DNAH11: variants seen among roughly 807,000 people sequenced by gnomAD.
DNAH11 encodes the protein dynein axonemal heavy chain 11.
A neutral mutation model predicts 526.0 loss-of-function variants in DNAH11; 442 were observed. The ratio of observed to expected loss-of-function variants is 0.84; its 90% CI spans 0.78 to 0.91. DNAH11 has a LOEUF of 0.91. DNAH11 is among the 40% of genes least tolerant of loss of function. The pLI is 0.00. For missense variants in DNAH11, 6,989 were observed against 5,448.7 expected, an observed-to-expected ratio of 1.28 and a Z score of -8.90; for synonymous variants, 2,461 against 1,935.9, an observed-to-expected ratio of 1.27 and a Z score of -7.12.
At chr7:21,827,052 A>C (rs970588709) in intron 65 of DNAH11, among the ~76,000 whole-genome samples, 8 of 152,182 alleles carry the variant, frequency 5.3e-5, no homozygotes, top group Non-Finnish European at 1.2e-4. Flanking sequence ...CTCCCTGTGG[A>C]CCAATACATC....
At chr7:21,670,971 ATTTTCT>A (rs1782620105) in intron 30 of DNAH11, among the ~76,000 whole-genome samples, 1 of 151,104 alleles carries the variant, frequency 6.6e-6, no homozygotes, top group Non-Finnish European at 1.5e-5. Flanking sequence ...TTTGTCTGTA[ATTTTCT>A]TTTTCTATGA....
rs547694004 is a variant in DNAH11 at position 21,572,032 on chromosome 7, G to A, written c.1593+59G>A. On this transcript the variant is annotated intron_variant, in intron 8 of 81. Transcript: ENST00000409508. ...GATCCTATAATTTTATAGCTGAAAA[G>A]GAAGATAGGTCACAGTGATAATAGG... 4.9e-5 allele frequency: 67 copies of A among 1,368,290 alleles called. No homozygotes were observed. In the African/African-American group the frequency reaches 9.4e-4, roughly 19 times the overall value. 84.8% of individuals were successfully genotyped at this position (1,368,290 alleles called of 1,614,324 possible).
chr7:21,820,233 G>C (rs959730615), intron 65 of DNAH11, among the ~76,000 whole-genome samples: 1 of 152,166 alleles, frequency 6.6e-6, no homozygotes, highest in African/African-American at 2.4e-5. Flanking sequence ...GGGGGCTGCA[G>C]ATTTAGTGTG....
In DNAH11 at chr7:21,598,737, C is replaced by A. The variant is rs1784959454; in HGVS notation, c.2668-1050C>A. 3.3e-5 allele frequency among the ~76,000 whole-genome samples: 5 copies of A among 152,194 alleles called. No individual in the cohort carries two copies. In the South Asian group the frequency reaches 1.0e-3, roughly 31 times the overall value. On this transcript the variant is annotated intron_variant, in intron 14 of 81. Coordinates refer to ENST00000409508, the MANE Select transcript of DNAH11 (RefSeq NM_001277115.2). ...ATTTTTCCTGATCCTCTCCCTCCTT[C>A]CAATCCTTACCCTCCTTTAGATCCC...
chr7:21,836,509 C>T (rs1346823505), intron 65 of DNAH11, among the ~76,000 whole-genome samples: 1 of 152,072 alleles, frequency 6.6e-6, no homozygotes, highest in East Asian at 1.9e-4. Flanking sequence ...ACAATCTCTT[C>T]AATAAATGGT....
intron 28 of DNAH11, among the ~76,000 whole-genome samples, chr7:21,645,084 T>C (rs1482409819): frequency 6.6e-6 from 1 of 152,224 alleles, no homozygotes; most frequent in African/African-American, 2.4e-5. Context: ...AACATTAAGG[T>C]TATTATAATG....
In DNAH11 at chr7:21,768,146, T is replaced by C. The variant is rs1201293103; in HGVS notation, c.9102+2557T>C. Among the ~76,000 whole-genome samples, 3 of 152,336 alleles carry C rather than the reference T, an allele frequency of 2.0e-5. No homozygotes were observed. In the East Asian group the frequency reaches 5.8e-4, roughly 29 times the overall value. On this transcript the variant is annotated intron_variant, in intron 55 of 81. Coordinates refer to ENST00000409508, the MANE Select transcript of DNAH11 (RefSeq NM_001277115.2). ...CACTTAAGTATTTATCTGAAGACTT[T>C]GTGTCAACGCACACTACCTCTCCAA...
intron 65 of DNAH11, 136 bp downstream of exon 65, chr7:21,818,475 C>T (rs1451029234): frequency 3.3e-5 from 29 of 877,640 alleles, no homozygotes; most frequent in Non-Finnish European, 4.6e-5. Flanking sequence ...ACCTACACTC[C>T]AAGACCAAAG....
chr7:21,582,060 T>G lies in DNAH11; in HGVS notation c.1710+39T>G. The G allele has an allele frequency of 4.5e-6, 6 of 1,325,654 alleles. No homozygotes were observed. The South Asian group carries it at 4.8e-5, about 10-fold the overall frequency. The allele number at this position is 1,325,654 out of a possible 1,614,324, so 82.1% of individuals were successfully genotyped here. On this transcript the variant is annotated intron_variant, in intron 9 of 81. Coordinates refer to ENST00000409508, the MANE Select transcript of DNAH11 (RefSeq NM_001277115.2). ...AAGCTATCATAAAAAACGTTTACTA[T>G]GAATAATATAGGCTGTTAAATGAAA...
At chr7:21,784,081 A>C (rs1788071299) in intron 57 of DNAH11, among the ~76,000 whole-genome samples, 1 of 152,212 alleles carries the variant, frequency 6.6e-6, no homozygotes, top group South Asian at 2.1e-4. Flanking sequence ...ATGTTTGTTA[A>C]TCCAGGACTC....
chr7:21,568,443 C>G (rs1471411536), intron 6 of DNAH11, among the ~76,000 whole-genome samples: 1 of 152,286 alleles, frequency 6.6e-6, no homozygotes, highest in East Asian at 1.9e-4. Flanking sequence ...TCTGAGACAA[C>G]TTAGCTAGTA....
chr7:21,673,864 A>G (rs1011682587), intron 30 of DNAH11, among the ~76,000 whole-genome samples: 4 of 151,962 alleles, frequency 2.6e-5, no homozygotes, highest in Non-Finnish European at 5.9e-5. Flanking sequence ...TAACTTAGAA[A>G]ATACTTCCTA....
At chr7:21,768,862 T>C (rs1447340436) in intron 55 of DNAH11, among the ~76,000 whole-genome samples, 1 of 152,228 alleles carries the variant, frequency 6.6e-6, no homozygotes, top group Non-Finnish European at 1.5e-5. Context: ...TTGTCAGTGA[T>C]AGCTATCTTA....
intron 3 of DNAH11, 60 bp downstream of exon 3, chr7:21,559,058 C>G: frequency 7.0e-7 from 1 of 1,435,430 alleles, no homozygotes. Context: ...AGCACGGTGG[C>G]TCATGCCTAT....
intron 25 of DNAH11, among the ~76,000 whole-genome samples, chr7:21,626,559 C>T (rs1227768025): frequency 6.6e-6 from 1 of 152,104 alleles, no homozygotes; most frequent in African/African-American, 2.4e-5. Flanking sequence ...ATTTACATTT[C>T]TACCAACAGT....
At position 21,789,793 on chromosome 7, in the gene DNAH11, CTTTCTTTCTTTCTTT is replaced by C. The variant is rs1451191856; in HGVS notation, c.10026+467_10026+481del. On this transcript the variant is annotated intron_variant, in intron 61 of 81. Coordinates refer to ENST00000409508, the MANE Select transcript of DNAH11 (RefSeq NM_001277115.2). The stretch of plus-strand genomic sequence containing the variant: ...TCTTTCTTTCTTTCTTTCTTTCTTT[CTTTCTTTCTTTCTTT>C]TTTCTTTCTTTCTTTCTTTCTTTCT... Among the ~76,000 whole-genome samples the C allele has an allele frequency of 1.6e-4, 13 of 81,542 alleles. 1 individual carries two copies. Among genetic ancestry groups the C allele is most frequent in the East Asian group, 8.0e-4 (2 of 2,498 alleles). The allele number at this position is 81,542 out of a possible 152,430, so 53.5% of individuals were successfully genotyped here. A position where few individuals can be genotyped will look rare whatever the true frequency, so the allele number is the denominator to read the frequency against.
chr7:21,889,149 T>A (rs1266687541), intron 76 of DNAH11, among the ~76,000 whole-genome samples: 1 of 152,198 alleles, frequency 6.6e-6, no homozygotes. Flanking sequence ...TTTTTAAAAA[T>A]GGACTCATAC....
intron 70 of DNAH11, 57 bp downstream of exon 70, chr7:21,864,714 T>A: frequency 6.7e-7 from 1 of 1,483,298 alleles, no homozygotes; most frequent in African/African-American, 1.4e-5. Flanking sequence ...ATTAGCTCTC[T>A]CCAGTGTTGA....
rs765778415 is a variant in DNAH11, at chr7:21,600,895, G to T, written c.3220G>T (p.Glu1074Ter). Residue 1074 changes from glutamate (E) to a stop codon, truncating the protein, a stop_gained, in exon 16 of 82, where the codon GAA (glutamate) becomes TAA (stop). Coordinates refer to ENST00000409508, the MANE Select transcript of DNAH11 (RefSeq NM_001277115.2). LOFTEE classifies it high-confidence loss of function. ...TGCTCATGCAAATGAAGAAATTCCC[G>T]AACAACCACCAACTCTTGAGCAATT... ...MDAHANEEIP[E>*]QPPTLEQFKE... is the part of the protein sequence containing the mutation. 2 of 1,613,846 alleles carry T rather than the reference G, an allele frequency of 1.2e-6. No homozygotes were observed. The highest frequency in any genetic ancestry group is 1.7e-6 in the Non-Finnish European group (2 of 1,179,852).
Sources: gnomAD v4.1 joint callset for allele counts (sites outside exome capture counted in the v4.1 genomes callset) on GRCh38, gnomAD v4.1.1 for gene constraint, MANE v1.5 for transcripts, NCBI Gene and HGNC (gene_info 2026-07-23, HGNC 2026-07-21) for gene names.